MELK: variants seen among roughly 807,000 people sequenced by gnomAD.
MELK encodes pEg3 kinase.
In MELK, 81 loss-of-function variants were observed where a neutral mutation model predicts 85.0. The ratio of observed to expected loss-of-function variants is 0.95; its 90% CI spans 0.80 to 1.15. The LOEUF is 1.15. Among genes scored for constraint, MELK ranks in the 50% most tolerant of loss-of-function variants. The probability of loss-of-function intolerance (pLI) is 0.00; values close to 1 mark genes in which losing one functional copy is unlikely to be tolerated. For synonymous variants in MELK, 252 were observed against 265.0 expected (o/e 0.95, Z 0.48); for missense variants, 754 against 777.5 (o/e 0.97, Z 0.36).
At chr9:36,659,125 C>T (rs1185912534) in intron 13 of MELK, among the ~76,000 whole-genome samples, 1 of 152,128 alleles carries the variant, frequency 6.6e-6, no homozygotes, top group Non-Finnish European at 1.5e-5. Flanking sequence ...TTGTGATCCG[C>T]CCGCCTCGGC....
intron 3 of MELK, among the ~76,000 whole-genome samples, chr9:36,588,049 G>C (rs997180797): frequency 1.3e-5 from 2 of 151,576 alleles, no homozygotes; most frequent in African/African-American, 4.8e-5. Context: ...TTACAGGTGT[G>C]AGCCACCACA....
chr9:36,641,378 C>T (rs1320701204), intron 10 of MELK, among the ~76,000 whole-genome samples: 2 of 152,046 alleles, frequency 1.3e-5, no homozygotes, highest in Non-Finnish European at 2.9e-5. Flanking sequence ...TGTTCAAGGC[C>T]GCATGGTTAT....
chr9:36,662,227 T>C (rs1240592489), intron 13 of MELK, among the ~76,000 whole-genome samples: 2 of 151,374 alleles, frequency 1.3e-5, no homozygotes, highest in Non-Finnish European at 1.5e-5. Flanking sequence ...TAACGAAATA[T>C]AAAGTGAATC....
chr9:36,588,226 T>C (rs1823151356), intron 3 of MELK, among the ~76,000 whole-genome samples: 1 of 146,142 alleles, frequency 6.8e-6, no homozygotes, highest in Admixed American at 6.8e-5. Flanking sequence ...CCGGCTAATT[T>C]TGTATTTTTA....
At chr9:36,616,610 G>A (rs1342441636) in intron 8 of MELK, among the ~76,000 whole-genome samples, 3 of 151,776 alleles carry the variant, frequency 2.0e-5, no homozygotes, top group Non-Finnish European at 4.4e-5. Flanking sequence ...GGCTTGTCTC[G>A]AACTCCTGAC....
chr9:36,635,938 A>T (rs1829093429), intron 10 of MELK, among the ~76,000 whole-genome samples: 1 of 151,606 alleles, frequency 6.6e-6, no homozygotes. Flanking sequence ...CTGGGACTAC[A>T]GGCATGTGCC....
At chr9:36,588,658 C>T (rs1013625856) in intron 3 of MELK, among the ~76,000 whole-genome samples, 4 of 152,120 alleles carry the variant, frequency 2.6e-5, no homozygotes, top group South Asian at 4.1e-4. Context: ...GGATTATACG[C>T]GTGATCCACT....
intron 7 of MELK, among the ~76,000 whole-genome samples, chr9:36,601,116 C>G (rs1487908922): frequency 1.3e-5 from 2 of 151,848 alleles, no homozygotes. Context: ...AAGCAAAGAC[C>G]TTTTCTTTTA....
intron 8 of MELK, among the ~76,000 whole-genome samples, chr9:36,616,670 T>G (rs867393933): frequency 6.6e-6 from 1 of 152,058 alleles, no homozygotes; most frequent in Non-Finnish European, 1.5e-5. Flanking sequence ...ATTACAGGCG[T>G]GAGCCACCGC....
intron 13 of MELK, among the ~76,000 whole-genome samples, chr9:36,664,515 T>C (rs1001424867): frequency 6.6e-6 from 1 of 152,210 alleles, no homozygotes; most frequent in Admixed American, 6.5e-5. Context: ...TCTGGGACCA[T>C]GCAGGTTGTA....
At chr9:36,590,209 C>T (rs751952795) in intron 4 of MELK, among the ~76,000 whole-genome samples, 6 of 152,040 alleles carry the variant, frequency 3.9e-5, no homozygotes, top group Non-Finnish European at 8.8e-5. Context: ...CGTGAGCCAC[C>T]GTGCCCAGCC....
At chr9:36,614,172 T>C (rs1187428165) in intron 8 of MELK, among the ~76,000 whole-genome samples, 1 of 151,246 alleles carries the variant, frequency 6.6e-6, no homozygotes, top group Non-Finnish European at 1.5e-5. Context: ...CTTGGCTCAC[T>C]GCAACCTCCG....
chr9:36,621,275 GAAAAAAAAAAAAAAAAAA>G (rs74181196), intron 8 of MELK, among the ~76,000 whole-genome samples: 959 of 32,400 alleles, frequency 0.03, 15 homozygotes, highest in Non-Finnish European at 0.068. Flanking sequence ...CTGTCTCAGG[GAAAAAAAAAAAAAAAAAA>G]AAAAAAAAAA....
intron 11 of MELK, among the ~76,000 whole-genome samples, chr9:36,647,494 C>CTT (rs112975528): frequency 1.5e-4 from 22 of 143,670 alleles, no homozygotes; most frequent in Admixed American, 1.5e-3. Context: ...TTCTTTCTTT[C>CTT]TTTTTTTTTT....
chr9:36,661,171 G>C (rs1425717915), intron 13 of MELK, among the ~76,000 whole-genome samples: 1 of 152,112 alleles, frequency 6.6e-6, no homozygotes, highest in African/African-American at 2.4e-5. Context: ...TGTGGGCTGT[G>C]GGTTTCTAAG....
chr9:36,604,654 T>G (rs2135737974), intron 7 of MELK, among the ~76,000 whole-genome samples: 1 of 150,946 alleles, frequency 6.6e-6, no homozygotes, highest in Non-Finnish European at 1.5e-5. Context: ...TGCCTGACCC[T>G]TTTTTTTGAG....
At chr9:36,637,111 C>T (rs897212020) in intron 10 of MELK, among the ~76,000 whole-genome samples, 8 of 151,910 alleles carry the variant, frequency 5.3e-5, no homozygotes, top group Non-Finnish European at 1.0e-4. Flanking sequence ...GGATTACAGG[C>T]ATGAGCCACT....
chr9:36,594,771 A>C lies in MELK; in HGVS notation c.405A>C (p.Pro135=). The C allele has an allele frequency of 6.2e-7, 1 of 1,612,186 alleles. No homozygotes were observed. The highest frequency in any genetic ancestry group is 8.5e-7 in the Non-Finnish European group (1 of 1,179,324). The change falls in exon 5 of 18, where the codon CCA becomes CCC. Residue 135 remains proline, a splice_region_variant and synonymous_variant. Coordinates refer to ENST00000298048, the MANE Select transcript of MELK (RefSeq NM_014791.4). The part of the protein sequence containing the change: ...SQGYAHRDLK[P]ENLLFDEYHK... The stretch of plus-strand genomic sequence containing the variant: ...GCTATGCTCACAGGGACCTCAAGCC[A>C]GTAAGTGACTGCATCACAGTTAGAT...
At chr9:36,623,170 T>A (rs1228349574) in intron 8 of MELK, among the ~76,000 whole-genome samples, 1 of 152,184 alleles carries the variant, frequency 6.6e-6, no homozygotes, top group East Asian at 1.9e-4. Context: ...TAGTGACAAT[T>A]CAGAATGTTT....
Sources: allele counts gnomAD v4.1 joint callset (sites outside exome capture counted in the v4.1 genomes callset), GRCh38; gene constraint gnomAD v4.1.1; transcripts MANE v1.5; gene names NCBI Gene and HGNC (gene_info 2026-07-23, HGNC 2026-07-21).